The following CGNL1 variants were observed in gnomAD, a reference collection of about 807,000 sequenced individuals.
The protein encoded by CGNL1 is cingulin-like protein 1.
In CGNL1, 132 loss-of-function variants were observed where a neutral mutation model predicts 141.2. The ratio of observed to expected loss-of-function variants is 0.93; its 90% CI spans 0.81 to 1.08. The LOEUF is 1.08. Ranked by LOEUF, CGNL1 falls within the 50% of genes least tolerant of loss-of-function variation. CGNL1 has a pLI of 0.00. For missense variants in CGNL1, 1,870 were observed against 1,588.6 expected, an observed-to-expected ratio of 1.18 and a Z score of -3.01; for synonymous variants, 690 against 622.1, an observed-to-expected ratio of 1.11 and a Z score of -1.63.
At chr15:57,456,224 A>G (rs555623211) in intron 7 of CGNL1, among the ~76,000 whole-genome samples, 63 of 152,332 alleles carry the variant, frequency 4.1e-4, no homozygotes, top group African/African-American at 1.5e-3. Context: ...CAAGTTTCCC[A>G]TGGCAGTTAG....
chr15:57,411,267 G>A (rs2062783695), intron 1 of CGNL1, among the ~76,000 whole-genome samples: 1 of 151,872 alleles, frequency 6.6e-6, no homozygotes, highest in Non-Finnish European at 1.5e-5. Flanking sequence ...CTCCTTTCTT[G>A]GAGTCACTGC....
intron 15 of CGNL1, among the ~76,000 whole-genome samples, chr15:57,544,004 C>T (rs1483798280): frequency 1.3e-5 from 2 of 152,168 alleles, no homozygotes; most frequent in East Asian, 1.9e-4. Context: ...TTTCTAGATC[C>T]TGAAGAGGGC....
At chr15:57,380,627 T>C (rs1039978) in intron 1 of CGNL1, among the ~76,000 whole-genome samples, 79,081 of 152,030 alleles carry the variant, frequency 0.52, 22,968 homozygotes, top group Non-Finnish European at 0.64. Context: ...CCCAAATGAC[T>C]GATTTTGGAA....
At chr15:57,521,664 C>G (rs1050967727) in intron 10 of CGNL1, among the ~76,000 whole-genome samples, 2 of 152,104 alleles carry the variant, frequency 1.3e-5, no homozygotes, top group African/African-American at 4.8e-5. Flanking sequence ...AGGCCCTAGG[C>G]CCAGAGTGGT....
intron 1 of CGNL1, among the ~76,000 whole-genome samples, chr15:57,417,520 C>T (rs150938459): frequency 6.6e-6 from 1 of 152,274 alleles, no homozygotes; most frequent in Non-Finnish European, 1.5e-5. Flanking sequence ...AGGCATGAGC[C>T]ACTGCACCCA....
chr15:57,478,627 G>A (rs1179885793), intron 8 of CGNL1, among the ~76,000 whole-genome samples: 1 of 152,092 alleles, frequency 6.6e-6, no homozygotes, highest in African/African-American at 2.4e-5. Flanking sequence ...ACTGTGAAAG[G>A]ATACATGGTG....
chr15:57,463,539 A>G lies in CGNL1; in HGVS notation c.2403+1647A>G, dbSNP rs547828361. Among the ~76,000 whole-genome samples the G allele has an allele frequency of 2.6e-5, 4 of 152,358 alleles. No homozygotes were observed. In the South Asian group the frequency reaches 8.3e-4, roughly 32 times the overall value. On this transcript the variant is annotated intron_variant, in intron 8 of 18. Transcript: ENST00000281282. ...AGTTTCCAGGCACCGGGAAGCTAAC[A>G]CAAAGGGGTTCGCCTTAGTACCCAC...
chr15:57,415,056 A>G (rs1426934415), intron 1 of CGNL1, among the ~76,000 whole-genome samples: 3 of 152,200 alleles, frequency 2.0e-5, no homozygotes, highest in Admixed American at 1.3e-4. Context: ...CCATGGCAGG[A>G]GGCAGCAGCC....
At chr15:57,480,167 G>A (rs1320472452) in intron 8 of CGNL1, among the ~76,000 whole-genome samples, 3 of 147,572 alleles carry the variant, frequency 2.0e-5, no homozygotes, top group African/African-American at 7.8e-5. Context: ...ACCTGAGATG[G>A]GTAATTTTTA....
chr15:57,404,780 A>G (rs1261832308), intron 1 of CGNL1, among the ~76,000 whole-genome samples: 4 of 152,230 alleles, frequency 2.6e-5, no homozygotes, highest in African/African-American at 9.6e-5. Context: ...GTCATTAGCC[A>G]AACATGGGTA....
intron 1 of CGNL1, among the ~76,000 whole-genome samples, chr15:57,397,786 C>G (rs1595660665): frequency 6.8e-6 from 1 of 147,392 alleles, no homozygotes; most frequent in Non-Finnish European, 1.5e-5. Flanking sequence ...TAAATTTCCT[C>G]TTTTTTTTTT....
chr15:57,436,945 T>C (rs1473446075), intron 1 of CGNL1, among the ~76,000 whole-genome samples: 1 of 152,130 alleles, frequency 6.6e-6, no homozygotes, highest in Non-Finnish European at 1.5e-5. Context: ...TGCTAGTAGA[T>C]TGACTCTAGA....
At chr15:57,421,066 C>T (rs990269277) in intron 1 of CGNL1, among the ~76,000 whole-genome samples, 2 of 152,116 alleles carry the variant, frequency 1.3e-5, no homozygotes, top group African/African-American at 4.8e-5. Flanking sequence ...GGATGGGGCC[C>T]TTAAAATGAG....
In CGNL1 at chr15:57,439,327, C is replaced by G; in HGVS notation, c.1328C>G (p.Thr443Ser). 1 of 1,614,120 alleles carries G rather than the reference C, an allele frequency of 6.2e-7. No homozygotes were observed. The highest frequency in any genetic ancestry group is 8.5e-7 in the Non-Finnish European group (1 of 1,180,050). ...CGTGGGAAACAGAGCGTGGGCCGCA[C>G]CTTTGCAAAGCTGCAGGGAGCAGCG... ...ERRGKQSVGR[T>S]FAKLQGAAHG... Residue 443 changes from threonine to serine, a missense_variant, in exon 2 of 19, where the codon ACC becomes AGC. Physicochemically the swap from Thr to Ser is moderately conservative, Grantham distance 58. Coordinates refer to ENST00000281282, the MANE Select transcript of CGNL1 (RefSeq NM_032866.5).
intron 4 of CGNL1, among the ~76,000 whole-genome samples, chr15:57,448,896 CT>C (rs1291994444): frequency 2.0e-5 from 3 of 151,968 alleles, no homozygotes; most frequent in Non-Finnish European, 4.4e-5. Flanking sequence ...TTATCTCCCC[CT>C]GAAGAATGTT....
intron 1 of CGNL1, among the ~76,000 whole-genome samples, chr15:57,419,941 AT>A (rs773021522): frequency 2.6e-5 from 4 of 152,192 alleles, no homozygotes; most frequent in Non-Finnish European, 4.4e-5. Flanking sequence ...GCTCTTCCCC[AT>A]TTATGTATTT....
chr15:57,473,039 G>A (rs533538607), intron 8 of CGNL1, among the ~76,000 whole-genome samples: 1 of 152,230 alleles, frequency 6.6e-6, no homozygotes, highest in South Asian at 2.1e-4. Flanking sequence ...TAACAAAGGA[G>A]CTATGGCTAC....
At chr15:57,398,590 A>G (rs1304147454) in intron 1 of CGNL1, among the ~76,000 whole-genome samples, 1 of 152,212 alleles carries the variant, frequency 6.6e-6, no homozygotes, top group Admixed American at 6.5e-5. Context: ...CACTGTGGGA[A>G]AGTGGGACCC....
In CGNL1 at chr15:57,546,132, C is replaced by T. The variant is rs778673296; in HGVS notation, c.3666C>T (p.Ile1222=). The change falls in exon 18 of 19, where the codon ATC becomes ATT. Residue 1222 remains isoleucine, a synonymous_variant. Transcript: ENST00000281282. The part of the protein sequence containing the change: ...KRQVEEAEEE[I]DRLESSKKKL... ...AGGTGGAGGAGGCTGAGGAGGAAAT[C>T]GACAGACTGGAAAGTTCTAAAAAGA... 3.1e-5 allele frequency: 50 copies of T among 1,613,838 alleles called. No individual in the cohort carries two copies. In the Middle Eastern group the frequency reaches 5.0e-4, roughly 16 times the overall value.
Sources: allele counts gnomAD v4.1 joint callset (sites outside exome capture counted in the v4.1 genomes callset), GRCh38; gene constraint gnomAD v4.1.1; transcripts MANE v1.5; gene names NCBI Gene and HGNC (gene_info 2026-07-23, HGNC 2026-07-21).